PITPNM3: variants seen among roughly 807,000 people sequenced by gnomAD.
PITPNM3 encodes the protein membrane-associated phosphatidylinositol transfer protein 3.
In PITPNM3, 26 loss-of-function variants were observed where a neutral mutation model predicts 102.0. That is an observed-to-expected ratio of 0.25 (90% CI 0.19 to 0.35). The LOEUF (loss-of-function observed/expected upper bound fraction) is 0.35, where lower values mean the gene tolerates loss of function less well. Among genes scored for constraint, PITPNM3 ranks in the 10% least tolerant of loss-of-function variants. The probability of loss-of-function intolerance (pLI) is 1.00; values close to 1 mark genes in which losing one functional copy is unlikely to be tolerated. For missense variants in PITPNM3, 1,083 were observed against 1,346.1 expected (o/e 0.80, Z 3.06); for synonymous variants, 578 against 558.6 (o/e 1.03, Z -0.49).
intron 3 of PITPNM3, among the ~76,000 whole-genome samples, chr17:6,506,829 C>G (rs1907542538): frequency 6.6e-6 from 1 of 152,222 alleles, no homozygotes; most frequent in African/African-American, 2.4e-5. Context: ...CTGGGCCAAA[C>G]AAACCATGCT....
intron 6 of PITPNM3, chr17:6,481,753 T>TAGATAGAC (rs1555553156): frequency 6.7e-6 from 1 of 149,282 alleles, no homozygotes; most frequent in Admixed American, 6.7e-5. Flanking sequence ...GATAGATAGA[T>TAGATAGAC]AGATAGATAG....
intron 4 of PITPNM3, among the ~76,000 whole-genome samples, chr17:6,488,352 G>A (rs1286986395): frequency 6.6e-6 from 1 of 152,076 alleles, no homozygotes; most frequent in Non-Finnish European, 1.5e-5. Flanking sequence ...GCAAAACCCT[G>A]CTCAATGGCT....
intron 14 of PITPNM3, among the ~76,000 whole-genome samples, chr17:6,467,452 T>C (rs1904843448): frequency 6.6e-6 from 1 of 152,246 alleles, no homozygotes; most frequent in Non-Finnish European, 1.5e-5. Context: ...TCTGTGAATA[T>C]ACTAAAATCC....
chr17:6,552,737 C>A (rs1212672060), intron 1 of PITPNM3, among the ~76,000 whole-genome samples: 1 of 151,834 alleles, frequency 6.6e-6, no homozygotes, highest in Non-Finnish European at 1.5e-5. Flanking sequence ...CACCTGGAAG[C>A]CGGCCCCTGG....
intron 4 of PITPNM3, among the ~76,000 whole-genome samples, chr17:6,502,330 G>A (rs990875741): frequency 2.5e-4 from 38 of 152,188 alleles, no homozygotes; most frequent in African/African-American, 8.2e-4. Context: ...GCCGGCGCCT[G>A]TAATCCCAGC....
At chr17:6,516,094 A>C (rs1486385885) in intron 3 of PITPNM3, among the ~76,000 whole-genome samples, 1 of 152,150 alleles carries the variant, frequency 6.6e-6, no homozygotes, top group Non-Finnish European at 1.5e-5. Flanking sequence ...AATGAGACCC[A>C]ATCTCTAAAA....
rs1331520740 is a variant in PITPNM3, at chr17:6,517,421, A to C, written c.226+7935T>G. On this transcript the variant is annotated intron_variant, in intron 3 of 19. Coordinates refer to ENST00000262483, the MANE Select transcript of PITPNM3 (RefSeq NM_031220.4). The surrounding 1 kb of genome is among the most constrained non-coding windows in gnomAD (Gnocchi z 4.1). ...AATGAGAATTGGCAACATGAAACCA[A>C]ATGGCCAGGGGCCATGGGAGCTGGG... Among the ~76,000 whole-genome samples, 1 of 152,240 alleles carries C rather than the reference A, an allele frequency of 6.6e-6. No individual in the cohort carries two copies. The highest frequency in any genetic ancestry group is 2.4e-5 in the African/African-American group (1 of 41,472).
chr17:6,548,114 A>G (rs1409454350), intron 1 of PITPNM3, among the ~76,000 whole-genome samples: 7 of 152,152 alleles, frequency 4.6e-5, no homozygotes, highest in Admixed American at 4.6e-4. Flanking sequence ...TGGAGCAAAC[A>G]GTAGGAGGGT....
intron 3 of PITPNM3, among the ~76,000 whole-genome samples, chr17:6,523,097 C>T (rs1320391655): frequency 6.6e-6 from 1 of 152,170 alleles, no homozygotes; most frequent in African/African-American, 2.4e-5. Context: ...CTTCTTCCCG[C>T]TCCCCATTCT....
rs76546119 is a variant in PITPNM3 at position 6,529,930 on chromosome 17, C to G, written c.119-4467G>C. Among the ~76,000 whole-genome samples, 218 of 152,346 alleles carry G rather than the reference C, an allele frequency of 1.4e-3. 1 individual carries two copies. The highest frequency in any genetic ancestry group is 5.0e-3 in the African/African-American group (208 of 41,578). ...CGTTCTCTTTTCCACTTCCCCTCCC[C>G]CAATGGGGGAAAAGGTAGAGGGAGA... On this transcript the variant is annotated intron_variant, in intron 2 of 19. Coordinates refer to ENST00000262483, the MANE Select transcript of PITPNM3 (RefSeq NM_031220.4).
At chr17:6,514,995 AAAAGG>A (rs1171086964) in intron 3 of PITPNM3, among the ~76,000 whole-genome samples, 6 of 152,228 alleles carry the variant, frequency 3.9e-5, no homozygotes, top group Non-Finnish European at 8.8e-5. Context: ...AGTCACACAC[AAAAGG>A]CTATATATTG....
chr17:6,496,329 C>T (rs1906815045), intron 4 of PITPNM3, among the ~76,000 whole-genome samples: 1 of 152,100 alleles, frequency 6.6e-6, no homozygotes, highest in East Asian at 1.9e-4. Flanking sequence ...GACCAAGCCC[C>T]CGCCTTCTGC....
At chr17:6,479,001 T>C in intron 6 of PITPNM3, 1 of 536,134 alleles carries the variant, frequency 1.9e-6, no homozygotes, top group Non-Finnish European at 3.3e-6. Flanking sequence ...GTGACTGCAG[T>C]CTCTATTGCC....
chr17:6,542,722 C>T (rs774215976), intron 1 of PITPNM3, among the ~76,000 whole-genome samples: 1 of 152,112 alleles, frequency 6.6e-6, no homozygotes, highest in South Asian at 2.1e-4. Flanking sequence ...GCCTTGTCAG[C>T]GACAGGACCA....
At chr17:6,486,100 T>G (rs1207194776) in intron 4 of PITPNM3, among the ~76,000 whole-genome samples, 1 of 152,168 alleles carries the variant, frequency 6.6e-6, no homozygotes, top group Non-Finnish European at 1.5e-5. Flanking sequence ...CAGCCACCCC[T>G]GAGCCCCCAC....
At chr17:6,481,790 G>A (rs1905693308) in intron 6 of PITPNM3, 1 of 121,246 alleles carries the variant, frequency 8.2e-6, no homozygotes, top group Admixed American at 7.8e-5. Flanking sequence ...ATAATGGATG[G>A]ACAGATGGAT....
rs187896656 is a variant in PITPNM3, at chr17:6,457,848, A to G, written c.2491-126T>C. 40 of 1,342,154 alleles carry G rather than the reference A, an allele frequency of 3.0e-5. No homozygotes were observed. The Middle Eastern group carries it at 1.8e-3, about 59-fold the overall frequency. 83.1% of individuals were successfully genotyped at this position (1,342,154 alleles called of 1,614,324 possible). On this transcript the variant is annotated intron_variant, in intron 18 of 19. Transcript: ENST00000262483. The surrounding 1 kb of genome is among the most constrained non-coding windows in gnomAD (Gnocchi z 4.7). ...TGTGCACTCTGGTAGACTCCAAGCC[A>G]TGGGGCCACCCTGTGTCAGGAATGA...
At chr17:6,542,943 C>T (rs1016707643) in intron 1 of PITPNM3, among the ~76,000 whole-genome samples, 5 of 152,296 alleles carry the variant, frequency 3.3e-5, no homozygotes, top group African/African-American at 1.2e-4. Context: ...CCAGGCTGGT[C>T]TCAGACTCCT....
In PITPNM3 at chr17:6,478,026, T is replaced by C. The variant is rs2150731913; in HGVS notation, c.849A>G (p.Ser283=). ...GGCTGCTGCTGGCAGGGCTGTCCCC[T>C]GAGGGCCCCGCACTGTAGCAGATGG... The part of the protein sequence containing the change: ...FDAICYSAGP[S]GDSPASSSRK... The change falls in exon 8 of 20, where the codon TCA becomes TCG. Residue 283 remains serine, a synonymous_variant. Transcript: ENST00000262483. This position sits in a 1 kb window ranked among gnomAD's most constrained non-coding sequence, Gnocchi z 4.4. The C allele has an allele frequency of 6.2e-7, 1 of 1,613,604 alleles. No homozygotes were observed. The highest frequency in any genetic ancestry group is 8.5e-7 in the Non-Finnish European group (1 of 1,180,036).
Sources: allele counts gnomAD v4.1 joint callset (sites outside exome capture counted in the v4.1 genomes callset), GRCh38; gene constraint gnomAD v4.1.1; non-coding constraint Gnocchi (gnomAD v3.1); transcripts MANE v1.5; gene names NCBI Gene and HGNC (gene_info 2026-07-23, HGNC 2026-07-21).